The following RAD50 variants were observed in gnomAD, a reference collection of about 807,000 sequenced individuals.
RAD50 encodes RAD50 double strand break repair protein.
Under a neutral mutation model 168.8 loss-of-function variants are expected in RAD50, and 132 were observed. The ratio of observed to expected loss-of-function variants is 0.78; its 90% CI spans 0.68 to 0.90. The LOEUF (loss-of-function observed/expected upper bound fraction) is 0.90, where lower values mean the gene tolerates loss of function less well. RAD50 is among the 40% of genes least tolerant of loss of function. The pLI is 0.00. For missense variants in RAD50, 1,347 were observed against 1,534.4 expected (o/e 0.88, Z 2.04); for synonymous variants, 525 against 497.4 (o/e 1.06, Z -0.74).
rs757145249 is a variant in RAD50 at position 132,646,092 on chromosome 5, C to CAAAAAAAAAAAAAAAAAAAAAAAAAA, written c.*3749_*3750insAAAAAAAAAAAAAAAAAAAAAAAAAA. 1 of 77,134 alleles carries CAAAAAAAAAAAAAAAAAAAAAAAAAA rather than the reference C, an allele frequency of 1.3e-5. No individual in the cohort carries two copies. Among genetic ancestry groups the CAAAAAAAAAAAAAAAAAAAAAAAAAA allele is most frequent in the African/African-American group, 4.5e-5 (1 of 22,122 alleles). 4.8% of individuals were successfully genotyped at this position (77,134 alleles called of 1,614,324 possible). A position where few individuals can be genotyped will look rare whatever the true frequency, so the allele number is the denominator to read the frequency against. ...CAGAGTGAGACCCTGTCTAAAAAGA[C>CAAAAAAAAAAAAAAAAAAAAAAAAAA]AAAAAAAAAAAAAAAAAAAAAGCAG... On this transcript the variant is annotated 3_prime_UTR_variant, in exon 25 of 25. Coordinates refer to ENST00000378823, the MANE Select transcript of RAD50 (RefSeq NM_005732.4).
chr5:132,583,505 A>C lies in RAD50; in HGVS notation c.756+3439A>C, dbSNP rs61524390. Among the ~76,000 whole-genome samples, 993 of 152,160 alleles carry C rather than the reference A, an allele frequency of 6.5e-3. 13 individuals are homozygous for C. The highest frequency in any genetic ancestry group is 0.023 in the African/African-American group (944 of 41,496). On this transcript the variant is annotated intron_variant, in intron 5 of 24. Coordinates refer to ENST00000378823, the MANE Select transcript of RAD50 (RefSeq NM_005732.4). ...ATGTAGAATATTTCAGTCACTCCAAAAAGTTCTCTCAAAGTCCTTGCAGTC... is the reference window on the plus strand; with the variant it reads ...ATGTAGAATATTTCAGTCACTCCAACAAGTTCTCTCAAAGTCCTTGCAGTC...
At chr5:132,578,488 A>T (rs1014869249) in intron 3 of RAD50, among the ~76,000 whole-genome samples, 1 of 142,874 alleles carries the variant, frequency 7.0e-6, no homozygotes, top group Non-Finnish European at 1.5e-5. Context: ...TCTGCAAAGC[A>T]TTCTTAATAT....
chr5:132,591,023 A>G lies in RAD50; in HGVS notation c.1453-201A>G, dbSNP rs552933874. 3.3e-5 allele frequency among the ~76,000 whole-genome samples: 5 copies of G among 152,246 alleles called. No homozygotes were observed. In the South Asian group the frequency reaches 1.0e-3, roughly 32 times the overall value. On this transcript the variant is annotated intron_variant, in intron 9 of 24. Transcript: ENST00000378823. ...TTCTAGGTTTATTTACTAATTCTCT[A>G]CCATTATAACATAGTAAGGTCACTT... is the stretch of plus-strand genomic sequence containing the variant.
intron 13 of RAD50, among the ~76,000 whole-genome samples, chr5:132,597,866 G>A (rs1370627284): frequency 1.3e-5 from 2 of 152,042 alleles, no homozygotes; most frequent in African/African-American, 4.8e-5. Context: ...AGTAGTTTGA[G>A]AATAAAAAGG....
At chr5:132,575,452 A>G (rs1195059418) in intron 2 of RAD50, among the ~76,000 whole-genome samples, 1 of 152,194 alleles carries the variant, frequency 6.6e-6, no homozygotes, top group Admixed American at 6.5e-5. Flanking sequence ...AGACAAACCA[A>G]ATCATTCTAC....
At chr5:132,613,136 A>AT (rs1266168911) in intron 19 of RAD50, among the ~76,000 whole-genome samples, 1 of 152,106 alleles carries the variant, frequency 6.6e-6, no homozygotes, top group Non-Finnish European at 1.5e-5. Context: ...AGCTGCATGC[A>AT]TTAACTGTCA....
intron 8 of RAD50, among the ~76,000 whole-genome samples, chr5:132,589,135 A>G (rs1221803651): frequency 6.6e-6 from 1 of 152,190 alleles, no homozygotes; most frequent in Non-Finnish European, 1.5e-5. Flanking sequence ...TGCAGAGAAA[A>G]CATTTGCTCA....
chr5:132,619,697 C>T (rs1751240546), intron 21 of RAD50, among the ~76,000 whole-genome samples: 1 of 151,552 alleles, frequency 6.6e-6, no homozygotes, highest in Non-Finnish European at 1.5e-5. Context: ...CTTTTGATGA[C>T]ACTGGATTTG....
intron 2 of RAD50, among the ~76,000 whole-genome samples, chr5:132,565,081 A>T (rs183365977): frequency 6.6e-6 from 1 of 151,928 alleles, no homozygotes; most frequent in Non-Finnish European, 1.5e-5. Context: ...ATAGTGAGTA[A>T]ATTCTCATGA....
At chr5:132,590,318 A>G (rs562091866) in intron 9 of RAD50, among the ~76,000 whole-genome samples, 2 of 152,068 alleles carry the variant, frequency 1.3e-5, no homozygotes, top group Non-Finnish European at 2.9e-5. Context: ...AAAAATACAA[A>G]AATTAGCTGG....
chr5:132,590,983 T>C (rs967908694), intron 9 of RAD50, among the ~76,000 whole-genome samples: 14 of 152,238 alleles, frequency 9.2e-5, no homozygotes, highest in Non-Finnish European at 2.9e-5. Flanking sequence ...CTCACATTTC[T>C]TTCCTGTTTG....
At chr5:132,624,122 G>A (rs1286664685) in intron 21 of RAD50, among the ~76,000 whole-genome samples, 1 of 152,032 alleles carries the variant, frequency 6.6e-6, no homozygotes, top group African/African-American at 2.4e-5. Context: ...TATATCTTTT[G>A]TCCCATTTCA....
At chr5:132,569,664 C>T (rs978284638) in intron 2 of RAD50, among the ~76,000 whole-genome samples, 4 of 152,102 alleles carry the variant, frequency 2.6e-5, no homozygotes, top group African/African-American at 4.8e-5. Context: ...TTCCATTGAA[C>T]GATAGCAGAA....
chr5:132,609,188 T>C lies in RAD50; in HGVS notation c.2901T>C (p.Asp967=), dbSNP rs1751039142. Residue 967 remains aspartate (D), a synonymous_variant, in exon 18 of 25, where the codon GAT becomes GAC. Coordinates refer to ENST00000378823, the MANE Select transcript of RAD50 (RefSeq NM_005732.4). Reference sequence around the variant, plus strand: ...AAGACATTGAGAATTATATTCAAGATGGGAAAGACGACTATAAGAAGGTAA... The same window carrying C: ...AAGACATTGAGAATTATATTCAAGACGGGAAAGACGACTATAAGAAGGTAA... ...YMKDIENYIQ[D]GKDDYKKQKE... 1 of 1,611,904 alleles carries C rather than the reference T, an allele frequency of 6.2e-7. No individual in the cohort carries two copies. The highest frequency in any genetic ancestry group is 8.5e-7 in the Non-Finnish European group (1 of 1,178,996).
At chr5:132,578,092 C>G (rs948731056) in intron 3 of RAD50, among the ~76,000 whole-genome samples, 2 of 152,068 alleles carry the variant, frequency 1.3e-5, no homozygotes, top group African/African-American at 4.8e-5. Flanking sequence ...GGATTACAGG[C>G]GTGAGCCACC....
chr5:132,557,084 G>T lies in RAD50; in HGVS notation c.-241G>T. The stretch of plus-strand genomic sequence containing the variant: ...GGCGGGCAGCCCCAGGCTGGTCCCC[G>T]CCTCCGCTCTCCCCACCGGCGGGGA... On this transcript the variant is annotated 5_prime_UTR_variant, in exon 1 of 25. Coordinates refer to ENST00000378823, the MANE Select transcript of RAD50 (RefSeq NM_005732.4). The T allele has an allele frequency of 1.5e-6, 1 of 667,610 alleles. No homozygotes were observed. Among genetic ancestry groups the T allele is most frequent in the Non-Finnish European group, 2.5e-6 (1 of 408,158 alleles). The allele number at this position is 667,610 out of a possible 1,614,324, so 41.4% of individuals were successfully genotyped here. A position where few individuals can be genotyped will look rare whatever the true frequency, so the allele number is the denominator to read the frequency against.
chr5:132,597,678 T>C (rs1561643144), intron 13 of RAD50, among the ~76,000 whole-genome samples: 1 of 152,234 alleles, frequency 6.6e-6, no homozygotes, highest in Non-Finnish European at 1.5e-5. Context: ...TGCGACTTCA[T>C]GCGAGACCCT....
chr5:132,623,488 A>G (rs1027987788), intron 21 of RAD50, among the ~76,000 whole-genome samples: 4 of 152,182 alleles, frequency 2.6e-5, no homozygotes, highest in African/African-American at 7.2e-5. Flanking sequence ...CTCAAAACTA[A>G]CAATAACAGT....
rs375070140 is a variant in RAD50 at position 132,588,750 on chromosome 5, A to G, written c.1115A>G (p.Gln372Arg). The change falls in exon 8 of 25, where the codon CAG (glutamine) becomes CGG (arginine). Residue 372 changes from glutamine to arginine, a missense_variant. By Grantham distance (43) the Gln-to-Arg change is conservative. Transcript: ENST00000378823. ...EHIRARDSLI[Q>R]SLATQLELDG... Reference sequence around the variant, plus strand: ...ATCCGAGCTAGAGATTCATTAATTCAGTCTTTGGCAACACAGCTAGAATTG... The same window carrying G: ...ATCCGAGCTAGAGATTCATTAATTCGGTCTTTGGCAACACAGCTAGAATTG... The G allele has an allele frequency of 1.2e-6, 2 of 1,613,940 alleles. No individual in the cohort carries two copies. Among genetic ancestry groups the G allele is most frequent in the African/African-American group, 2.7e-5 (2 of 74,922 alleles).
Sources: allele counts gnomAD v4.1 joint callset (sites outside exome capture counted in the v4.1 genomes callset), GRCh38; gene constraint gnomAD v4.1.1; transcripts MANE v1.5; gene names NCBI Gene and HGNC (gene_info 2026-07-23, HGNC 2026-07-21).